Variants in FAR2 observed in about 807,000 individuals in gnomAD.
FAR2 encodes the protein fatty acyl-CoA reductase 2.
A neutral mutation model predicts 56.0 loss-of-function variants in FAR2; 19 were observed. The ratio of observed to expected loss-of-function variants is 0.34; its 90% CI spans 0.24 to 0.50. FAR2 has a LOEUF of 0.50. Among genes scored for constraint, FAR2 ranks in the 20% least tolerant of loss-of-function variants. FAR2 has a pLI of 0.98. For missense variants in FAR2, 508 were observed against 642.2 expected, an observed-to-expected ratio of 0.79 and a Z score of 2.26; for synonymous variants, 219 against 218.8, an observed-to-expected ratio of 1.00 and a Z score of -0.01.
At chr12:29,149,619 C>A (rs1473385103) in intron 1 of FAR2, among the ~76,000 whole-genome samples, 3 of 152,220 alleles carry the variant, frequency 2.0e-5, no homozygotes, top group Non-Finnish European at 4.4e-5. Context: ...CCGGCTGCAC[C>A]CCAATCGTCA....
chr12:29,259,101 G>C (rs1463513481), intron 1 of FAR2, among the ~76,000 whole-genome samples: 1 of 152,212 alleles, frequency 6.6e-6, no homozygotes, highest in Non-Finnish European at 1.5e-5. Flanking sequence ...GTTAAAGAAT[G>C]TGCTGGTATG....
In FAR2 at chr12:29,307,698, C is replaced by A; in HGVS notation, c.586C>A (p.Leu196Met). ...TATTATTGACGAGATTACACCCAAG[C>A]TGATCAGAGATTGGCCCAATATTTA... Reference protein sequence around the residue: ...DAIIDEITPKLIRDWPNIYTY... With the variant: ...DAIIDEITPKMIRDWPNIYTY... Residue 196 changes from leucine (L) to methionine (M), a missense_variant, in exon 5 of 12, where the codon CTG becomes ATG. Physicochemically the swap from Leu to Met is conservative, Grantham distance 15. Transcript: ENST00000536681. 1 of 1,613,558 alleles carries A rather than the reference C, an allele frequency of 6.2e-7. No individual in the cohort carries two copies. Among genetic ancestry groups the A allele is most frequent in the Non-Finnish European group, 8.5e-7 (1 of 1,179,714 alleles).
chr12:29,280,062 T>A (rs1948763246), intron 2 of FAR2, among the ~76,000 whole-genome samples: 1 of 152,000 alleles, frequency 6.6e-6, no homozygotes, highest in Non-Finnish European at 1.5e-5. Context: ...GTAGCTGGGA[T>A]TACAGGCACC....
At chr12:29,199,873 C>T (rs1358411645) in intron 1 of FAR2, among the ~76,000 whole-genome samples, 1 of 152,034 alleles carries the variant, frequency 6.6e-6, no homozygotes, top group Non-Finnish European at 1.5e-5. Context: ...AAGATGGTGG[C>T]ATTAATCAGG....
chr12:29,307,750 T>C lies in FAR2; in HGVS notation c.638T>C (p.Met213Thr), dbSNP rs1451116192. Reference sequence around the variant, plus strand: ...ACCTACACCAAGGCCTTGGGAGAAATGGTGGTGCAGCAAGAGAGCAGGAAC... The same window carrying C: ...ACCTACACCAAGGCCTTGGGAGAAACGGTGGTGCAGCAAGAGAGCAGGAAC... ...IYTYTKALGE[M>T]VVQQESRNLN... Residue 213 changes from methionine to threonine, a missense_variant, in exon 5 of 12, where the codon ATG (methionine) becomes ACG (threonine). Physicochemically the swap from Met to Thr is moderately conservative, Grantham distance 81. Transcript: ENST00000536681. The C allele has an allele frequency of 6.2e-7, 1 of 1,613,500 alleles. No individual in the cohort carries two copies. The highest frequency in any genetic ancestry group is 8.5e-7 in the Non-Finnish European group (1 of 1,179,886).
chr12:29,234,271 T>G (rs537338369), intron 1 of FAR2, among the ~76,000 whole-genome samples: 2 of 152,152 alleles, frequency 1.3e-5, no homozygotes, highest in South Asian at 4.1e-4. Flanking sequence ...GCATAAAGCT[T>G]CTCTCATAAT....
At chr12:29,313,973 C>T (rs763926660) in intron 8 of FAR2, among the ~76,000 whole-genome samples, 3 of 150,632 alleles carry the variant, frequency 2.0e-5, no homozygotes, top group Admixed American at 6.6e-5. Flanking sequence ...TTTTCTAATA[C>T]ATGCATTTAT....
intron 1 of FAR2, among the ~76,000 whole-genome samples, chr12:29,255,042 A>G (rs918973804): frequency 1.1e-4 from 17 of 152,140 alleles, no homozygotes; most frequent in African/African-American, 3.6e-4. Flanking sequence ...AAAAATTTAC[A>G]TCTCTATTCA....
chr12:29,189,588 C>T (rs1325670773), intron 1 of FAR2, among the ~76,000 whole-genome samples: 1 of 152,104 alleles, frequency 6.6e-6, no homozygotes, highest in African/African-American at 2.4e-5. Context: ...TCTAGGCCCT[C>T]TCAGTTAACA....
intron 1 of FAR2, among the ~76,000 whole-genome samples, chr12:29,174,742 A>G (rs1338550495): frequency 6.6e-6 from 1 of 152,102 alleles, no homozygotes. Context: ...TAGAAGTGGA[A>G]CTAGCCTCGG....
intron 11 of FAR2, chr12:29,333,044 T>A: frequency 2.5e-6 from 1 of 398,384 alleles, no homozygotes; most frequent in Non-Finnish European, 4.8e-6. Context: ...TCTACCACAC[T>A]CTGTCATAAT....
At chr12:29,258,466 A>G (rs938709986) in intron 1 of FAR2, among the ~76,000 whole-genome samples, 1 of 152,198 alleles carries the variant, frequency 6.6e-6, no homozygotes, top group African/African-American at 2.4e-5. Context: ...TGCTTCTCCT[A>G]ACATAATTAT....
Position 29,321,881 on chromosome 12 carries a change from A to G in FAR2, c.1214A>G (p.Asn405Ser). The G allele has an allele frequency of 6.2e-7, 1 of 1,613,842 alleles. No homozygotes were observed. Among genetic ancestry groups the G allele is most frequent in the Non-Finnish European group, 8.5e-7 (1 of 1,179,798 alleles). Residue 405 changes from asparagine (N) to serine (S), a missense_variant, in exon 10 of 12, where the codon AAT becomes AGT. By Grantham distance (46) the Asn-to-Ser change is conservative (BLOSUM62 1). Transcript: ENST00000536681. ...INRSWEWSTY[N>S]TEMLMSELSP... is the part of the protein sequence containing the mutation. Reference sequence around the variant, plus strand: ...CGGAGTTGGGAATGGAGCACGTACAATACAGAAATGCTGATGTCTGAGCTG... The same window carrying G: ...CGGAGTTGGGAATGGAGCACGTACAGTACAGAAATGCTGATGTCTGAGCTG...
At chr12:29,165,171 A>G (rs1461193740) in intron 1 of FAR2, among the ~76,000 whole-genome samples, 2 of 152,196 alleles carry the variant, frequency 1.3e-5, no homozygotes, top group African/African-American at 2.4e-5. Flanking sequence ...AGTAATTAGT[A>G]TGTAAACCTC....
intron 1 of FAR2, among the ~76,000 whole-genome samples, chr12:29,186,300 G>C (rs1371055926): frequency 6.6e-6 from 1 of 152,144 alleles, no homozygotes; most frequent in Admixed American, 6.5e-5. Context: ...GCAGCTCTAG[G>C]AGATCCTGTG....
intron 1 of FAR2, among the ~76,000 whole-genome samples, chr12:29,264,125 T>C (rs920051859): frequency 3.9e-5 from 6 of 152,122 alleles, no homozygotes; most frequent in African/African-American, 1.2e-4. Flanking sequence ...TCATTCACCA[T>C]GATCACATGG....
chr12:29,208,761 C>T (rs187652163), intron 1 of FAR2, among the ~76,000 whole-genome samples: 109 of 152,200 alleles, frequency 7.2e-4, no homozygotes, highest in African/African-American at 2.5e-3. Flanking sequence ...TTTACAACAG[C>T]TGCAGGACAC....
chr12:29,279,714 A>G (rs1948756811), intron 2 of FAR2, among the ~76,000 whole-genome samples: 1 of 152,128 alleles, frequency 6.6e-6, no homozygotes. Flanking sequence ...GAGGTAGCAT[A>G]AGGCAGTAAA....
intron 1 of FAR2, among the ~76,000 whole-genome samples, chr12:29,179,127 T>G (rs1214387555): frequency 3.9e-5 from 6 of 152,208 alleles, no homozygotes; most frequent in African/African-American, 1.2e-4. Context: ...AGACCTCATT[T>G]TAACTGAATT....
Sources: gnomAD v4.1 joint callset for allele counts (sites outside exome capture counted in the v4.1 genomes callset) on GRCh38, gnomAD v4.1.1 for gene constraint, MANE v1.5 for transcripts, NCBI Gene and HGNC (gene_info 2026-07-23, HGNC 2026-07-21) for gene names.